Variants in CADPS2 observed in about 807,000 individuals in gnomAD.
CADPS2 encodes calcium-dependent secretion activator 2.
In CADPS2, 93 loss-of-function variants were observed where a neutral mutation model predicts 172.5. That is an observed-to-expected ratio of 0.54 (90% confidence interval 0.46 to 0.64). The LOEUF (loss-of-function observed/expected upper bound fraction) is 0.64. Among genes scored for constraint, CADPS2 ranks in the 30% least tolerant of loss-of-function variants. CADPS2 has a pLI of 0.00. For synonymous variants in CADPS2, 546 were observed against 555.2 expected, an observed-to-expected ratio of 0.98 and a Z score of 0.23; for missense variants, 1,420 against 1,565.9, an observed-to-expected ratio of 0.91 and a Z score of 1.57.
intron 9 of CADPS2, among the ~76,000 whole-genome samples, chr7:122,506,870 C>T (rs762710166): frequency 1.1e-4 from 16 of 151,998 alleles, no homozygotes; most frequent in Middle Eastern, 6.8e-3. Flanking sequence ...AGTTAGTATT[C>T]GGTGTACAAA....
intron 29 of CADPS2, 58 bp from the exon 30 acceptor site, chr7:122,320,396 T>C: frequency 3.0e-6 from 4 of 1,318,242 alleles, no homozygotes; most frequent in Non-Finnish European, 4.0e-6. Flanking sequence ...TGTACATAGA[T>C]ATATACTCAG....
At chr7:122,787,978 T>A (rs967747806) in intron 1 of CADPS2, among the ~76,000 whole-genome samples, 1 of 152,068 alleles carries the variant, frequency 6.6e-6, no homozygotes, top group South Asian at 2.1e-4. Context: ...TCCTGACAAA[T>A]AGAACTCAAA....
At chr7:122,349,981 G>A (rs988849047) in intron 27 of CADPS2, among the ~76,000 whole-genome samples, 2 of 152,148 alleles carry the variant, frequency 1.3e-5, no homozygotes, top group African/African-American at 4.8e-5. Context: ...TATTTAACAA[G>A]GAGACAAATT....
At chr7:122,424,787 C>T (rs1247340845) in intron 17 of CADPS2, among the ~76,000 whole-genome samples, 1 of 125,926 alleles carries the variant, frequency 7.9e-6, no homozygotes, top group African/African-American at 3.0e-5. Context: ...AAGAAAAGCT[C>T]TCACAGGGAC....
At chr7:122,581,668 G>A (rs1214822376) in intron 6 of CADPS2, among the ~76,000 whole-genome samples, 1 of 152,076 alleles carries the variant, frequency 6.6e-6, no homozygotes, top group African/African-American at 2.4e-5. Context: ...ACGTAAGAGA[G>A]AGTTTCTCAG....
chr7:122,483,978 T>C (rs1384978712), intron 11 of CADPS2, among the ~76,000 whole-genome samples: 9 of 152,106 alleles, frequency 5.9e-5, no homozygotes, highest in Non-Finnish European at 1.2e-4. Context: ...AATGAAGTGA[T>C]ACATGGTATT....
chr7:122,829,379 T>C (rs933061347), intron 1 of CADPS2, among the ~76,000 whole-genome samples: 1 of 152,170 alleles, frequency 6.6e-6, no homozygotes, highest in African/African-American at 2.4e-5. Flanking sequence ...CCTTCACACT[T>C]TGAAGGAAAC....
At chr7:122,502,788 T>C (rs1400935949) in intron 9 of CADPS2, among the ~76,000 whole-genome samples, 1 of 152,154 alleles carries the variant, frequency 6.6e-6, no homozygotes, top group Non-Finnish European at 1.5e-5. Context: ...TCTGAGATCA[T>C]ACTCATTTAT....
intron 1 of CADPS2, among the ~76,000 whole-genome samples, chr7:122,835,610 C>T (rs985419236): frequency 5.3e-5 from 8 of 152,180 alleles, no homozygotes; most frequent in Non-Finnish European, 1.2e-4. Context: ...GAACTGAAAA[C>T]CATGGCATGA....
At chr7:122,678,768 T>C (rs917987183) in intron 2 of CADPS2, among the ~76,000 whole-genome samples, 2 of 152,174 alleles carry the variant, frequency 1.3e-5, no homozygotes, top group Non-Finnish European at 2.9e-5. Context: ...CCTCTGGCCA[T>C]AGGACTACTG....
At chr7:122,618,231 A>T (rs1438340067) in intron 5 of CADPS2, among the ~76,000 whole-genome samples, 1 of 152,188 alleles carries the variant, frequency 6.6e-6, no homozygotes, top group African/African-American at 2.4e-5. Context: ...AGAGATACCT[A>T]AAAGTAATCC....
rs149739783 is a variant in CADPS2 at position 122,455,173 on chromosome 7, G to A, written c.2187-3698C>T. On this transcript the variant is annotated intron_variant, in intron 14 of 29. Transcript: ENST00000449022. ...GCCTCCTAACTAGTCCTCAAACACAGGAAGCAAGCTCCAGGCTCAAGGCCT... is the reference window on the plus strand; with the variant it reads ...GCCTCCTAACTAGTCCTCAAACACAAGAAGCAAGCTCCAGGCTCAAGGCCT... Among the ~76,000 whole-genome samples the A allele has an allele frequency of 1.9e-3, 295 of 152,142 alleles. 2 individuals carry two copies. The highest frequency in any genetic ancestry group is 6.6e-3 in the African/African-American group (272 of 41,504).
At chr7:122,342,525 T>C (rs1421808537) in intron 28 of CADPS2, among the ~76,000 whole-genome samples, 1 of 152,150 alleles carries the variant, frequency 6.6e-6, no homozygotes, top group Non-Finnish European at 1.5e-5. Flanking sequence ...GCAAAGATTA[T>C]TTAGTATTAC....
intron 8 of CADPS2, among the ~76,000 whole-genome samples, chr7:122,519,274 G>A (rs1339785608): frequency 1.3e-5 from 2 of 152,032 alleles, no homozygotes; most frequent in African/African-American, 4.8e-5. Flanking sequence ...TAACTAGAGT[G>A]TTCTGGATTA....
In CADPS2 at chr7:122,396,264, A is replaced by G. The variant is rs73216117; in HGVS notation, c.2747-2682T>C. Among the ~76,000 whole-genome samples the G allele has an allele frequency of 2.0e-3, 312 of 152,258 alleles. 1 individual carries two copies. The highest frequency in any genetic ancestry group is 3.9e-3 in the Non-Finnish European group (262 of 68,008). ...CTACCATTCCTCACTCTGACAACCA[A>G]TTAGTCATCAAGACTGGTGTATTTT... On this transcript the variant is annotated intron_variant, in intron 20 of 29. Transcript: ENST00000449022.
At position 122,822,888 on chromosome 7, in the gene CADPS2, C is replaced by T. The variant is rs757949372; in HGVS notation, c.339+63111G>A. Among the ~76,000 whole-genome samples, 121 of 152,118 alleles carry T rather than the reference C, an allele frequency of 8.0e-4. 1 individual carries two copies. Among genetic ancestry groups the T allele is most frequent in the Non-Finnish European group, 1.3e-3 (87 of 67,998 alleles). On this transcript the variant is annotated intron_variant, in intron 1 of 29. Coordinates refer to ENST00000449022, the MANE Select transcript of CADPS2 (RefSeq NM_017954.11). ...CTATAAAATGGCCCCACCCCTATCT[C>T]CCTTCGCTGACTCTCTTTTCGGACT...
chr7:122,590,132 G>A (rs1188007005), intron 6 of CADPS2, among the ~76,000 whole-genome samples: 1 of 151,598 alleles, frequency 6.6e-6, no homozygotes, highest in Non-Finnish European at 1.5e-5. Flanking sequence ...AATCTCTAGG[G>A]ACTCAAAGTA....
intron 7 of CADPS2, among the ~76,000 whole-genome samples, chr7:122,556,467 T>A (rs1166561329): frequency 6.6e-6 from 1 of 152,106 alleles, no homozygotes; most frequent in African/African-American, 2.4e-5. Flanking sequence ...AATTCTTCCT[T>A]CTATGTTTAT....
intron 7 of CADPS2, among the ~76,000 whole-genome samples, chr7:122,574,141 T>A (rs2067645823): frequency 2.0e-5 from 3 of 151,118 alleles, no homozygotes; most frequent in Admixed American, 6.6e-5. Context: ...ACTCATGTTT[T>A]AAAAAAAAAT....
Sources: gnomAD v4.1 joint callset for allele counts (sites outside exome capture counted in the v4.1 genomes callset) on GRCh38, gnomAD v4.1.1 for gene constraint, MANE v1.5 for transcripts, NCBI Gene and HGNC (gene_info 2026-07-23, HGNC 2026-07-21) for gene names.